MLXIP: variants seen among roughly 807,000 people sequenced by gnomAD.
MLXIP encodes MLX-interacting protein.
Under a neutral mutation model 87.2 loss-of-function variants are expected in MLXIP, and 30 were observed. The ratio of observed to expected loss-of-function variants is 0.34; its 90% CI spans 0.26 to 0.47. The LOEUF is 0.47. Among genes scored for constraint, MLXIP ranks in the 20% least tolerant of loss-of-function variants. MLXIP has a pLI of 1.00. For synonymous variants in MLXIP, 530 were observed against 514.0 expected, an observed-to-expected ratio of 1.03 and a Z score of -0.42; for missense variants, 1,002 against 1,240.1, an observed-to-expected ratio of 0.81 and a Z score of 2.88.
intron 1 of MLXIP, among the ~76,000 whole-genome samples, chr12:122,089,009 C>CAAAA (rs1177216284): frequency 2.7e-4 from 13 of 47,718 alleles, no homozygotes; most frequent in African/African-American, 5.5e-4. Flanking sequence ...CCCATCTCTA[C>CAAAA]AAAAAAAAAA....
chr12:122,126,842 G>C (rs1565980286), intron 1 of MLXIP, among the ~76,000 whole-genome samples: 1 of 152,204 alleles, frequency 6.6e-6, no homozygotes, highest in Admixed American at 6.5e-5. Flanking sequence ...AGGAAGGGAG[G>C]CTGGTCAAAT....
chr12:122,090,073 T>C lies in MLXIP; in HGVS notation c.413+10807T>C, dbSNP rs182588478. 5.3e-5 allele frequency among the ~76,000 whole-genome samples: 8 copies of C among 152,338 alleles called. No homozygotes were observed. The East Asian group carries it at 1.5e-3, about 29-fold the overall frequency. The stretch of plus-strand genomic sequence containing the variant: ...GAGTCATGGTTACCAACCTTACTCT[T>C]CTTCCATGGCTTTCTTTTTTGAAAG... On this transcript the variant is annotated intron_variant, in intron 1 of 16. Transcript: ENST00000319080.
At chr12:122,136,868 C>T (rs141392875) in intron 11 of MLXIP, 105 of 152,316 alleles carry the variant, frequency 6.9e-4, no homozygotes, top group African/African-American at 2.3e-3. Context: ...CAACCATTGC[C>T]TTGGTCTCCG....
chr12:122,133,387 C>T lies in MLXIP; in HGVS notation c.1132C>T (p.Leu378Phe), dbSNP rs1953015526. 1 of 1,595,582 alleles carries T rather than the reference C, an allele frequency of 6.3e-7. No homozygotes were observed. Among genetic ancestry groups the T allele is most frequent in the South Asian group, 1.1e-5 (1 of 89,292 alleles). ...GACCACAGCCCTCCCCACTGTGAGC[C>T]TTCCTGACAGCCTCATCGCGCCCCC... ...LPTTALPTVSLPDSLIAPPTA... is the reference protein window; with the variant it reads ...LPTTALPTVSFPDSLIAPPTA... The change falls in exon 9 of 17, where the codon CTT becomes TTT. Residue 378 changes from leucine to phenylalanine, a missense_variant. Coordinates refer to ENST00000319080, the MANE Select transcript of MLXIP (RefSeq NM_014938.6). The surrounding 1 kb of genome is among the most constrained non-coding windows in gnomAD (Gnocchi z 4.9).
intron 1 of MLXIP, among the ~76,000 whole-genome samples, chr12:122,094,097 GGT>G (rs1270688217): frequency 1.4e-5 from 2 of 144,834 alleles, no homozygotes; most frequent in African/African-American, 2.6e-5. Flanking sequence ...TGTGTGTGGT[GGT>G]GTGTGTGTGG....
At chr12:122,123,912 A>G (rs1450032660) in intron 1 of MLXIP, among the ~76,000 whole-genome samples, 1 of 152,094 alleles carries the variant, frequency 6.6e-6, no homozygotes, top group Non-Finnish European at 1.5e-5. Flanking sequence ...AGTTCTGCTC[A>G]CTGGGGCCAC....
At position 122,138,796 on chromosome 12, in the gene MLXIP, A is replaced by C; in HGVS notation, c.2385-19A>C. 6.2e-7 allele frequency: 1 copy of C among 1,611,128 alleles called. No homozygotes were observed. Among genetic ancestry groups the C allele is most frequent in the Non-Finnish European group, 8.5e-7 (1 of 1,179,204 alleles). On this transcript the variant is annotated intron_variant, in intron 14 of 16. Transcript: ENST00000319080. ...GGCCACTGGCTGCTCCACAGCTCCCACGGCTCCTGTCATTTCAGCTCCTGC... is the reference window on the plus strand; with the variant it reads ...GGCCACTGGCTGCTCCACAGCTCCCCCGGCTCCTGTCATTTCAGCTCCTGC...
intron 1 of MLXIP, among the ~76,000 whole-genome samples, chr12:122,097,752 G>A (rs1366922798): frequency 2.0e-5 from 3 of 152,172 alleles, no homozygotes; most frequent in Non-Finnish European, 4.4e-5. Context: ...TCCTGGCCCG[G>A]TGGAATGCCT....
rs757822242 is a variant in MLXIP at position 122,135,116 on chromosome 12, C to T, written c.1733-108C>T. The T allele has an allele frequency of 4.5e-5, 63 of 1,405,466 alleles. No homozygotes were observed. The highest frequency in any genetic ancestry group is 6.0e-5 in the Non-Finnish European group (61 of 1,017,172). 87.1% of individuals were successfully genotyped at this position (1,405,466 alleles called of 1,614,324 possible). On this transcript the variant is annotated intron_variant, in intron 9 of 16. Transcript: ENST00000319080. This position sits in a 1 kb window ranked among gnomAD's most constrained non-coding sequence, Gnocchi z 5.3. ...GCCTTGGTGGCTTTGTCTTCCTGTC[C>T]CCTGGGGTTGAGAACAAGCTGTCTC...
At chr12:122,130,218 G>A (rs367707226) in intron 6 of MLXIP, 106 bp downstream of exon 6, 43 of 1,186,594 alleles carry the variant, frequency 3.6e-5, no homozygotes, top group African/African-American at 1.2e-4. Context: ...GCTGCTGCAC[G>A]TCACGGTTGG....
rs1952055836 is a variant in MLXIP, at chr12:122,079,207, C to T, written c.354C>T (p.Cys118=). 5 of 1,551,334 alleles carry T rather than the reference C, an allele frequency of 3.2e-6. No individual in the cohort carries two copies. The highest frequency in any genetic ancestry group is 1.4e-5 in the African/African-American group (1 of 73,172). ...QTYSFGKTSS[C]HLSIDASLTK... ...ACAGCTTCGGCAAGACTAGCTCCTG[C>T]CACCTGTCCATCGACGCCTCGCTCA... The change falls in exon 1 of 17, where the codon TGC becomes TGT. Residue 118 remains cysteine, a synonymous_variant. Coordinates refer to ENST00000319080, the MANE Select transcript of MLXIP (RefSeq NM_014938.6).
chr12:122,100,099 A>G (rs751459047), intron 1 of MLXIP, among the ~76,000 whole-genome samples: 16 of 151,892 alleles, frequency 1.1e-4, no homozygotes, highest in Non-Finnish European at 2.1e-4. Context: ...GTGCAGGAGG[A>G]GTGTAGACCT....
At chr12:122,125,308 G>T (rs1017509681) in intron 1 of MLXIP, among the ~76,000 whole-genome samples, 6 of 150,842 alleles carry the variant, frequency 4.0e-5, no homozygotes, top group African/African-American at 1.5e-4. Context: ...CTCCAGCCTG[G>T]GCAACAGAGC....
In MLXIP at chr12:122,138,675, C is replaced by G. The variant is rs1311139094; in HGVS notation, c.2384+124C>G. ...GCCTCTTTGCTGCAGTAGTTCTGCT[C>G]TTTGTCAACCTCCTTCCACAGACCT... On this transcript the variant is annotated intron_variant, in intron 14 of 16. Coordinates refer to ENST00000319080, the MANE Select transcript of MLXIP (RefSeq NM_014938.6). 6 of 1,492,326 alleles carry G rather than the reference C, an allele frequency of 4.0e-6. No individual in the cohort carries two copies. In the Admixed American group the frequency reaches 1.1e-4, roughly 27 times the overall value. The allele number at this position is 1,492,326 out of a possible 1,614,324, so 92.4% of individuals were successfully genotyped here. A position where few individuals can be genotyped will look rare whatever the true frequency, so the allele number is the denominator to read the frequency against.
intron 1 of MLXIP, among the ~76,000 whole-genome samples, chr12:122,117,140 C>T (rs1301596665): frequency 2.0e-5 from 3 of 152,248 alleles, no homozygotes; most frequent in Non-Finnish European, 2.9e-5. Flanking sequence ...CTCGAACACT[C>T]GCACACTGGA....
intron 1 of MLXIP, among the ~76,000 whole-genome samples, chr12:122,099,120 C>G (rs1447446829): frequency 6.6e-6 from 1 of 152,168 alleles, no homozygotes; most frequent in Non-Finnish European, 1.5e-5. Context: ...GCCCGTGGCC[C>G]CAGCTACTTG....
At chr12:122,085,011 G>T (rs996694562) in intron 1 of MLXIP, among the ~76,000 whole-genome samples, 2 of 152,162 alleles carry the variant, frequency 1.3e-5, no homozygotes, top group African/African-American at 4.8e-5. Flanking sequence ...ACGGAAAAGT[G>T]TCTTGAGGAG....
At chr12:122,117,982 A>T (rs1952718383) in intron 1 of MLXIP, among the ~76,000 whole-genome samples, 1 of 152,210 alleles carries the variant, frequency 6.6e-6, no homozygotes, top group African/African-American at 2.4e-5. Context: ...CACTTAATGA[A>T]AGCACTTTAA....
At chr12:122,105,342 A>G (rs1327812301) in intron 1 of MLXIP, among the ~76,000 whole-genome samples, 3 of 148,548 alleles carry the variant, frequency 2.0e-5, no homozygotes, top group African/African-American at 7.4e-5. Context: ...TTTAGAAGAG[A>G]TTTTTCACGG....
Sources: allele counts gnomAD v4.1 joint callset (sites outside exome capture counted in the v4.1 genomes callset), GRCh38; gene constraint gnomAD v4.1.1; non-coding constraint Gnocchi (gnomAD v3.1); transcripts MANE v1.5; gene names NCBI Gene and HGNC (gene_info 2026-07-23, HGNC 2026-07-21).